MAP2K2: variants seen among roughly 807,000 people sequenced by gnomAD.
MAP2K2 encodes mitogen-activated protein kinase kinase 2.
In MAP2K2, 24 loss-of-function variants were observed where a neutral mutation model predicts 43.7. The ratio of observed to expected loss-of-function variants is 0.55; its 90% CI spans 0.40 to 0.77. The LOEUF (loss-of-function observed/expected upper bound fraction) is 0.77, where lower values mean the gene tolerates loss of function less well. Ranked by LOEUF, MAP2K2 falls within the 30% of genes least tolerant of loss-of-function variation. The probability of loss-of-function intolerance (pLI) is 0.00; values close to 1 mark genes in which losing one functional copy is unlikely to be tolerated. For synonymous variants in MAP2K2, 244 were observed against 239.7 expected, an observed-to-expected ratio of 1.02 and a Z score of -0.17; for missense variants, 470 against 566.8, an observed-to-expected ratio of 0.83 and a Z score of 1.73.
At position 4,115,276 on chromosome 19, in the gene MAP2K2, A is replaced by G. The variant is rs1466387390; in HGVS notation, c.303+2143T>C. Among the ~76,000 whole-genome samples the G allele has an allele frequency of 6.6e-6, 1 of 152,120 alleles. No homozygotes were observed. Among genetic ancestry groups the G allele is most frequent in the Non-Finnish European group, 1.5e-5 (1 of 68,012 alleles). On this transcript the variant is annotated intron_variant, in intron 2 of 10. Transcript: ENST00000262948. This position sits in a 1 kb window ranked among gnomAD's most constrained non-coding sequence, Gnocchi z 4.1. ...CCAGCCACGCCTGCCCTCAGGTTCA[A>G]AGGCCCCGATCTCCCTTTCCCCGCT... is the stretch of plus-strand genomic sequence containing the variant.
In MAP2K2 at chr19:4,094,461, T is replaced by C. The variant is rs746359861; in HGVS notation, c.1084A>G (p.Met362Val). 5.1e-6 allele frequency: 8 copies of C among 1,565,560 alleles called. No homozygotes were observed. In the South Asian group the frequency reaches 9.4e-5, roughly 18 times the overall value. ...KNPAERADLK[M>V]LTNHTFIKRS... Reference sequence around the variant, plus strand: ...CCGCTGGCATCACTCACTGTGAGCATCTTCAGGTCCGCCCGCTCCGCTGGG... The same window carrying C: ...CCGCTGGCATCACTCACTGTGAGCACCTTCAGGTCCGCCCGCTCCGCTGGG... The change falls in exon 10 of 11, where the codon ATG becomes GTG. Residue 362 changes from methionine (M) to valine (V), a missense_variant. By Grantham distance (21) the Met-to-Val change is conservative. This residue lies in a region of MAP2K2 where 212 missense variants were observed against 220.8 expected (regional missense o/e 0.96). Coordinates refer to ENST00000262948, the MANE Select transcript of MAP2K2 (RefSeq NM_030662.4).
chr19:4,105,409 C>T (rs2041073717), intron 3 of MAP2K2, among the ~76,000 whole-genome samples: 1 of 151,874 alleles, frequency 6.6e-6, no homozygotes, highest in Admixed American at 6.6e-5. Flanking sequence ...GCTGGGACTA[C>T]AGGTGCCCGC....
chr19:4,110,260 T>C (rs1222473130), intron 3 of MAP2K2, among the ~76,000 whole-genome samples: 1 of 152,076 alleles, frequency 6.6e-6, no homozygotes, highest in Non-Finnish European at 1.5e-5. Flanking sequence ...GCCGAGATTG[T>C]GCCACTACTA....
intron 9 of MAP2K2, chr19:4,095,109 C>T (rs527578796): frequency 2.3e-6 from 1 of 434,096 alleles, no homozygotes; most frequent in Admixed American, 3.7e-5. Flanking sequence ...CAGACAGAGG[C>T]TTCTCCTGCT....
intron 3 of MAP2K2, among the ~76,000 whole-genome samples, chr19:4,109,674 C>T (rs575851930): frequency 6.6e-6 from 1 of 152,088 alleles, no homozygotes; most frequent in East Asian, 1.9e-4. Context: ...TGGTTTCTCA[C>T]TATGTTGCCC....
Position 4,119,020 on chromosome 19 carries a change from A to G in MAP2K2, c.93-1391T>C, listed in dbSNP as rs190938841. On this transcript the variant is annotated intron_variant, in intron 1 of 10. Transcript: ENST00000262948. Reference sequence around the variant, plus strand: ...TTAAAATCTTCTAGTACCCATGTTTAAAAAGAACAGGTGAACTCACTTCAT... The same window carrying G: ...TTAAAATCTTCTAGTACCCATGTTTGAAAAGAACAGGTGAACTCACTTCAT... Among the ~76,000 whole-genome samples the G allele has an allele frequency of 8.5e-5, 13 of 152,286 alleles. No homozygotes were observed. The East Asian group carries it at 2.5e-3, about 29-fold the overall frequency.
intron 2 of MAP2K2, among the ~76,000 whole-genome samples, chr19:4,114,362 C>G (rs536205200): frequency 5.9e-5 from 9 of 152,336 alleles, no homozygotes; most frequent in African/African-American, 2.2e-4. Flanking sequence ...GGCTTCGACT[C>G]AGGTCGTCAC....
intron 1 of MAP2K2, among the ~76,000 whole-genome samples, chr19:4,118,503 C>T (rs1231597287): frequency 1.3e-5 from 2 of 152,086 alleles, no homozygotes; most frequent in East Asian, 1.9e-4. Context: ...TGCTTGAACC[C>T]GGGAGGGGGA....
Position 4,101,357 on chromosome 19 carries a change from T to A in MAP2K2, c.529-77A>T. The A allele has an allele frequency of 6.7e-7, 1 of 1,486,964 alleles. No individual in the cohort carries two copies. Among genetic ancestry groups the A allele is most frequent in the Non-Finnish European group, 9.2e-7 (1 of 1,089,728 alleles). The allele number at this position is 1,486,964 out of a possible 1,614,324, so 92.1% of individuals were successfully genotyped here. On this transcript the variant is annotated intron_variant, in intron 4 of 10. Transcript: ENST00000262948. The surrounding 1 kb of genome is among the most constrained non-coding windows in gnomAD (Gnocchi z 6.3). Reference sequence around the variant, plus strand: ...CCTGACCGAGCCCGGGGGTCAGAGCTGAGCAGTCAGAGCTGGAGCGAGGGA... The same window carrying A: ...CCTGACCGAGCCCGGGGGTCAGAGCAGAGCAGTCAGAGCTGGAGCGAGGGA...
chr19:4,105,265 T>C (rs1338336491), intron 3 of MAP2K2, among the ~76,000 whole-genome samples: 2 of 150,920 alleles, frequency 1.3e-5, no homozygotes, highest in African/African-American at 2.5e-5. Context: ...AACACATTTT[T>C]CTTTCTTTTT....
intron 6 of MAP2K2, chr19:4,099,870 G>A (rs2040976254): frequency 9.2e-6 from 2 of 216,444 alleles, no homozygotes; most frequent in African/African-American, 4.6e-5. Context: ...CCAGCACTTT[G>A]GGAGGTTGAG....
At chr19:4,119,295 C>T (rs2041264723) in intron 1 of MAP2K2, among the ~76,000 whole-genome samples, 1 of 152,088 alleles carries the variant, frequency 6.6e-6, no homozygotes, top group African/African-American at 2.4e-5. Context: ...GATCTTGGCT[C>T]ACTGCAACCT....
intron 3 of MAP2K2, chr19:4,103,343 A>G: frequency 1.2e-6 from 1 of 848,406 alleles, no homozygotes; most frequent in Non-Finnish European, 1.4e-6. Context: ...CAAAACCCCC[A>G]AATGCCAAAA....
chr19:4,116,423 G>A (rs1331671765), intron 2 of MAP2K2, among the ~76,000 whole-genome samples: 4 of 152,026 alleles, frequency 2.6e-5, no homozygotes, highest in Admixed American at 6.6e-5. Flanking sequence ...CCAGCTACTC[G>A]GGAGGCTGAG....
chr19:4,111,918 A>C (rs542343295), intron 2 of MAP2K2, among the ~76,000 whole-genome samples: 2 of 152,250 alleles, frequency 1.3e-5, no homozygotes, highest in East Asian at 1.9e-4. Context: ...GCACCATTGC[A>C]CTCCAGCCTG....
chr19:4,113,030 C>A (rs1397507742), intron 2 of MAP2K2, among the ~76,000 whole-genome samples: 2 of 152,166 alleles, frequency 1.3e-5, no homozygotes, highest in African/African-American at 4.8e-5. Context: ...CACATCTGAA[C>A]GGGGGCTGCT....
chr19:4,097,055 G>A (rs887530140), intron 8 of MAP2K2, among the ~76,000 whole-genome samples: 7 of 150,246 alleles, frequency 4.7e-5, no homozygotes, highest in African/African-American at 1.5e-4. Context: ...TTAGCTGGGT[G>A]TGGTGGTGCG....
At chr19:4,095,211 G>A (rs565989057) in intron 9 of MAP2K2, 177 bp downstream of exon 9, 2 of 603,708 alleles carry the variant, frequency 3.3e-6, no homozygotes, top group South Asian at 3.9e-5. Context: ...TGGCAGCCGG[G>A]AGCTGCAGCC....
At chr19:4,112,480 A>G (rs350898) in intron 2 of MAP2K2, among the ~76,000 whole-genome samples, 114,731 of 152,160 alleles carry the variant, frequency 0.75, 43,416 homozygotes, top group East Asian at 0.92. Flanking sequence ...CGCTGTGTTC[A>G]GGGCAGCAGG....
Sources: allele counts gnomAD v4.1 joint callset (sites outside exome capture counted in the v4.1 genomes callset), GRCh38; gene constraint gnomAD v4.1.1; regional missense constraint gnomAD v4.1.1; non-coding constraint Gnocchi (gnomAD v3.1); transcripts MANE v1.5; gene names NCBI Gene and HGNC (gene_info 2026-07-23, HGNC 2026-07-21).